Variants in ARID2 observed in about 807,000 individuals in gnomAD.
ARID2 encodes the protein AT-rich interactive domain-containing protein 2.
ARID2 carries 32 observed loss-of-function variants against 184.6 expected under a neutral mutation model. That is an observed-to-expected ratio of 0.17 (90% CI 0.13 to 0.23). The LOEUF (loss-of-function observed/expected upper bound fraction) is 0.23, where lower values mean the gene tolerates loss of function less well. Ranked by LOEUF, ARID2 falls within the 10% of genes least tolerant of loss-of-function variation. ARID2 has a pLI of 1.00. For missense variants in ARID2, 1,696 were observed against 2,197.6 expected (o/e 0.77, Z 4.56); for synonymous variants, 836 against 772.6 (o/e 1.08, Z -1.36).
intron 5 of ARID2, among the ~76,000 whole-genome samples, chr12:45,818,779 G>A (rs770004477): frequency 2.6e-5 from 4 of 152,030 alleles, no homozygotes; most frequent in Non-Finnish European, 5.9e-5. Flanking sequence ...GGGTCAAGTA[G>A]TGTTTTATTT....
At chr12:45,874,350 G>A in intron 16 of ARID2, 1 of 168,642 alleles carries the variant, frequency 5.9e-6, no homozygotes, top group Non-Finnish European at 1.3e-5. Flanking sequence ...AAAAAAGATT[G>A]AGTCAGTCTT....
intron 3 of ARID2, among the ~76,000 whole-genome samples, chr12:45,794,383 C>T (rs1306858902): frequency 6.6e-6 from 1 of 152,122 alleles, no homozygotes; most frequent in Non-Finnish European, 1.5e-5. Flanking sequence ...ATGAAGAAAA[C>T]ATCTTGCATA....
At chr12:45,802,878 G>T (rs1004992069) in intron 3 of ARID2, among the ~76,000 whole-genome samples, 2 of 152,036 alleles carry the variant, frequency 1.3e-5, no homozygotes, top group Non-Finnish European at 2.9e-5. Context: ...TCTTTGCCAC[G>T]TTCGTCTGCC....
chr12:45,905,257 G>T lies in ARID2; in HGVS notation c.*179G>T. The T allele has an allele frequency of 4.6e-5, 22 of 476,020 alleles. No homozygotes were observed. The highest frequency in any genetic ancestry group is 1.5e-4 in the South Asian group (2 of 13,556). 29.5% of individuals were successfully genotyped at this position (476,020 alleles called of 1,614,324 possible). A position where few individuals can be genotyped will look rare whatever the true frequency, so the allele number is the denominator to read the frequency against. ...CTCTGAGTGAATCCCTTTGTTCTCT[G>T]TTTAAAAAAATCTAAAAAGAAAAAG... On this transcript the variant is annotated 3_prime_UTR_variant, in exon 21 of 21. Coordinates refer to ENST00000334344, the MANE Select transcript of ARID2 (RefSeq NM_152641.4).
intron 5 of ARID2, among the ~76,000 whole-genome samples, chr12:45,820,242 C>T (rs1942875842): frequency 6.6e-6 from 1 of 152,114 alleles, no homozygotes; most frequent in Admixed American, 6.5e-5. Context: ...TTCCTCACGA[C>T]CCTAAGGTCA....
Position 45,896,627 on chromosome 12 carries a change from C to CT in ARID2, c.5363+2909dup, listed in dbSNP as rs201619643. ...GTGGAACTAAAAGTCCAATAAACCT[C>CT]TTTCTTTTGTAAATTGCCCAGTCTT... On this transcript the variant is annotated intron_variant, in intron 20 of 20. Coordinates refer to ENST00000334344, the MANE Select transcript of ARID2 (RefSeq NM_152641.4). Among the ~76,000 whole-genome samples, 1,043 of 152,306 alleles carry CT rather than the reference C, an allele frequency of 6.8e-3. 11 individuals carry two copies. The highest frequency in any genetic ancestry group is 0.024 in the African/African-American group (985 of 41,576).
intron 3 of ARID2, among the ~76,000 whole-genome samples, chr12:45,757,155 G>A (rs1941586498): frequency 6.6e-6 from 1 of 152,144 alleles, no homozygotes; most frequent in South Asian, 2.1e-4. Context: ...GATTGACTAA[G>A]GACTGGTTTT....
At position 45,904,945 on chromosome 12, in the gene ARID2, G is replaced by C; in HGVS notation, c.5375G>C (p.Arg1792Thr). ...ATGTTTTTTTGCAGATTGTTAAAGA[G>C]ACATGAAAATAACTTATCAGTGCTA... Reference protein sequence around the residue: ...YSECGRRLLKRHENNLSVLAI... With the variant: ...YSECGRRLLKTHENNLSVLAI... Residue 1792 changes from arginine (R) to threonine (T), a missense_variant, in exon 21 of 21, where the codon AGA becomes ACA. Physicochemically the swap from Arg to Thr is moderately conservative, Grantham distance 71. Around this residue, in one of 11 missense-constraint regions of ARID2, gnomAD observed 69 missense variants for 118.2 expected, o/e 0.58. Coordinates refer to ENST00000334344, the MANE Select transcript of ARID2 (RefSeq NM_152641.4). 6.2e-7 allele frequency: 1 copy of C among 1,613,598 alleles called. No individual in the cohort carries two copies. Among genetic ancestry groups the C allele is most frequent in the Non-Finnish European group, 8.5e-7 (1 of 1,179,848 alleles).
Position 45,761,684 on chromosome 12 carries a change from G to GGCT in ARID2, c.284+30370_284+30371insGCT, listed in dbSNP as rs1395889015. Among the ~76,000 whole-genome samples the GGCT allele has an allele frequency of 1.9e-4, 29 of 151,566 alleles. No individual in the cohort carries two copies. In the South Asian group the frequency reaches 3.8e-3, roughly 20 times the overall value. On this transcript the variant is annotated intron_variant, in intron 3 of 20. Coordinates refer to ENST00000334344, the MANE Select transcript of ARID2 (RefSeq NM_152641.4). ...TTTGAAAGGCTTACATTTTACTCCA[G>GGCT]TACATTTAGGTATGGACTTTTTTTT...
chr12:45,843,235 G>A (rs1202286670), intron 11 of ARID2, among the ~76,000 whole-genome samples: 1 of 149,774 alleles, frequency 6.7e-6, no homozygotes, highest in East Asian at 1.9e-4. Flanking sequence ...GGTATCTTGT[G>A]TAACCTGATA....
intron 16 of ARID2, among the ~76,000 whole-genome samples, chr12:45,884,949 A>T (rs1475210363): frequency 6.6e-6 from 1 of 152,186 alleles, no homozygotes; most frequent in East Asian, 1.9e-4. Context: ...TTCTTGTAGG[A>T]ACAGCAATAT....
At chr12:45,901,285 C>T (rs1323793133) in intron 20 of ARID2, among the ~76,000 whole-genome samples, 1 of 149,144 alleles carries the variant, frequency 6.7e-6, no homozygotes, top group Non-Finnish European at 1.5e-5. Flanking sequence ...ATTCTCCTGC[C>T]TCATCCTCTG....
chr12:45,826,540 A>G (rs1217120386), intron 6 of ARID2, among the ~76,000 whole-genome samples: 2 of 152,002 alleles, frequency 1.3e-5, no homozygotes, highest in African/African-American at 4.8e-5. Flanking sequence ...TCAGGCTCCC[A>G]AGTAGCTAAG....
chr12:45,827,474 C>T (rs1206325121), intron 6 of ARID2, among the ~76,000 whole-genome samples: 1 of 152,012 alleles, frequency 6.6e-6, no homozygotes, highest in Admixed American at 6.6e-5. Context: ...CTTTTCCAGA[C>T]ACTGGGAAAA....
At chr12:45,799,125 T>C (rs1026985336) in intron 3 of ARID2, among the ~76,000 whole-genome samples, 4 of 152,108 alleles carry the variant, frequency 2.6e-5, no homozygotes, top group African/African-American at 9.7e-5. Context: ...TTCTTATTGT[T>C]TGTCTCTCCC....
intron 11 of ARID2, chr12:45,841,369 C>G (rs1317728644): frequency 6.6e-6 from 1 of 152,140 alleles, no homozygotes; most frequent in Admixed American, 6.5e-5. Context: ...TTAATTCATT[C>G]ATAGAGATGG....
At chr12:45,743,294 A>G (rs1941297417) in intron 3 of ARID2, among the ~76,000 whole-genome samples, 1 of 152,000 alleles carries the variant, frequency 6.6e-6, no homozygotes, top group Admixed American at 6.5e-5. Context: ...GCTTGAACCC[A>G]GGAGGTGGAG....
chr12:45,786,016 A>G (rs1185748351), intron 3 of ARID2, among the ~76,000 whole-genome samples: 1 of 152,206 alleles, frequency 6.6e-6, no homozygotes, highest in Non-Finnish European at 1.5e-5. Context: ...AGAGAGGGTC[A>G]TATTTCAAAA....
chr12:45,870,353 C>T (rs1943905127), intron 16 of ARID2, among the ~76,000 whole-genome samples: 1 of 152,122 alleles, frequency 6.6e-6, no homozygotes, highest in Admixed American at 6.5e-5. Flanking sequence ...ATAGAGTTCC[C>T]ATATCTCCGT....
Sources: gnomAD v4.1 joint callset for allele counts (sites outside exome capture counted in the v4.1 genomes callset) on GRCh38, gnomAD v4.1.1 for gene constraint, gnomAD v4.1.1 regional missense constraint, MANE v1.5 for transcripts, NCBI Gene and HGNC (gene_info 2026-07-23, HGNC 2026-07-21) for gene names.